SPTB: variants seen among roughly 807,000 people sequenced by gnomAD.
The protein encoded by SPTB is spectrin beta, erythrocytic, also known as spectrin beta chain, erythrocytic.
Under a neutral mutation model 256.2 loss-of-function variants are expected in SPTB, and 45 were observed. The observed-to-expected ratio is 0.18, with a 90% CI of 0.14 to 0.23. The LOEUF (loss-of-function observed/expected upper bound fraction) is 0.23, where lower values mean the gene tolerates loss of function less well. Ranked by LOEUF, SPTB falls within the 10% of genes least tolerant of loss-of-function variation. SPTB has a pLI of 1.00. For synonymous variants in SPTB, 1,231 were observed against 1,243.1 expected (o/e 0.99, Z 0.21); for missense variants, 2,715 against 3,040.4 (o/e 0.89, Z 2.52).
At chr14:64,776,673 C>T (rs1208370672) in intron 22 of SPTB, among the ~76,000 whole-genome samples, 1 of 152,210 alleles carries the variant, frequency 6.6e-6, no homozygotes, top group Non-Finnish European at 1.5e-5. Flanking sequence ...AACTCCTGGG[C>T]TCAGGCGATC....
At chr14:64,752,898 G>C (rs1033382721) in intron 33 of SPTB, among the ~76,000 whole-genome samples, 25 of 152,038 alleles carry the variant, frequency 1.6e-4, no homozygotes, top group Non-Finnish European at 2.4e-4. Context: ...GGGGCCCCAG[G>C]CAGAGACAGC....
In SPTB at chr14:64,796,413, C is replaced by T. The variant is rs2082769550; in HGVS notation, c.1341+144G>A. On this transcript the variant is annotated intron_variant, in intron 11 of 35. Coordinates refer to ENST00000644917, the MANE Select transcript of SPTB (RefSeq NM_001355436.2). The surrounding 1 kb of genome is among the most constrained non-coding windows in gnomAD (Gnocchi z 4.1). ...GGAGAGCTCCTCCCCAGATGCAAAT[C>T]TTGATCCACTGGATCACGGGGGAGC... 1.8e-6 allele frequency: 2 copies of T among 1,088,724 alleles called. No individual in the cohort carries two copies. The highest frequency in any genetic ancestry group is 2.7e-6 in the Non-Finnish European group (2 of 728,786). The allele number at this position is 1,088,724 out of a possible 1,614,324, so 67.4% of individuals were successfully genotyped here.
intron 9 of SPTB, 125 bp downstream of exon 9, chr14:64,799,622 C>CA (rs1339824775): frequency 4.4e-5 from 50 of 1,141,926 alleles, no homozygotes; most frequent in Non-Finnish European, 1.3e-6. Context: ...GACACACATA[C>CA]AGCTCTCTAA....
At chr14:64,787,215 C>T (rs1279115599) in intron 15 of SPTB, 55 bp from the exon 16 acceptor site, 3 of 1,596,006 alleles carry the variant, frequency 1.9e-6, no homozygotes, top group African/African-American at 2.7e-5. Flanking sequence ...CTTAGCTCTT[C>T]TTCCCATAGG....
At position 64,803,799 on chromosome 14, in the gene SPTB, C is replaced by A; in HGVS notation, c.301-19G>T. ...GCTTTGGCTGGGGGACAGCAGTGGCCCCCGTGGGCATGGAGGGACTGCACA... is the reference window on the plus strand; with the variant it reads ...GCTTTGGCTGGGGGACAGCAGTGGCACCCGTGGGCATGGAGGGACTGCACA... On this transcript the variant is annotated intron_variant, in intron 3 of 35. Coordinates refer to ENST00000644917, the MANE Select transcript of SPTB (RefSeq NM_001355436.2). 1 of 1,593,834 alleles carries A rather than the reference C, an allele frequency of 6.3e-7. No individual in the cohort carries two copies. Among genetic ancestry groups the A allele is most frequent in the Non-Finnish European group, 8.6e-7 (1 of 1,169,328 alleles).
chr14:64,752,920 C>G lies in SPTB; in HGVS notation c.6602+617G>C, dbSNP rs2081971982. On this transcript the variant is annotated intron_variant, in intron 33 of 35. Coordinates refer to ENST00000644917, the MANE Select transcript of SPTB (RefSeq NM_001355436.2). ...CAGGCAGAGACAGCCCTAGATAGAC[C>G]AAACCCAAGGACATGACTGTTTCAG... 1.3e-5 allele frequency among the ~76,000 whole-genome samples: 2 copies of G among 151,964 alleles called. 1 individual carries two copies. The highest frequency in any genetic ancestry group is 4.2e-4 in the South Asian group (2 of 4,800).
chr14:64,872,411 C>T (rs1882582939), intron 1 of SPTB, among the ~76,000 whole-genome samples: 1 of 152,222 alleles, frequency 6.6e-6, no homozygotes, highest in Non-Finnish European at 1.5e-5. Flanking sequence ...GCCCCACAAT[C>T]AATCCTCCTT....
rs202072742 is a variant in SPTB, at chr14:64,793,187, G to A, written c.2476C>T (p.Leu826=). 1 of 1,613,496 alleles carries A rather than the reference G, an allele frequency of 6.2e-7. No individual in the cohort carries two copies. The highest frequency in any genetic ancestry group is 1.3e-5 in the African/African-American group (1 of 75,064). The change falls in exon 14 of 36, where the codon CTG becomes TTG. Residue 826 remains leucine (L), a synonymous_variant. Transcript: ENST00000644917. This position sits in a 1 kb window ranked among gnomAD's most constrained non-coding sequence, Gnocchi z 7.0. ...ACCACCTGTTGGTAGAGCTCCCGCA[G>A]GGCCTGCAGCCGATGGGTCACATCT... The part of the protein sequence containing the change: ...SPDVTHRLQA[L]RELYQQVVAQ...
rs1389449030 is a variant in SPTB, at chr14:64,750,008, T to C, written c.6749A>G (p.Lys2250Arg). The change falls in exon 34 of 36, where the codon AAG (lysine) becomes AGG (arginine). Residue 2250 changes from lysine (K) to arginine (R), a missense_variant. Lys to Arg is a conservative substitution (Grantham distance 26). Transcript: ENST00000644917. ...HAICEIAANY[K>R]KKKHVFKLRL... ...CAGCTTAAAGACGTGCTTCTTCTTC[T>C]TGTAGTTGGCAGCAATCTCACAGAT... 6.2e-7 allele frequency: 1 copy of C among 1,614,118 alleles called. No homozygotes were observed. The highest frequency in any genetic ancestry group is 1.3e-5 in the African/African-American group (1 of 74,942).
chr14:64,772,621 G>T lies in SPTB; in HGVS notation c.5512C>A (p.His1838Asn). 1 of 1,612,146 alleles carries T rather than the reference G, an allele frequency of 6.2e-7. No homozygotes were observed. The highest frequency in any genetic ancestry group is 2.2e-5 in the East Asian group (1 of 44,896). ...ASTAESFHRV[H>N]TAFERELHLL... ...TGGAGCTCCCGCTCGAAGGCTGTGTGCACCCGGTGGAAGGACTCGGCCGTG... is the reference window on the plus strand; with the variant it reads ...TGGAGCTCCCGCTCGAAGGCTGTGTTCACCCGGTGGAAGGACTCGGCCGTG... Residue 1838 changes from histidine (H) to asparagine (N), a missense_variant, in exon 26 of 36, where the codon CAC (histidine) becomes AAC (asparagine). Transcript: ENST00000644917. This position sits in a 1 kb window ranked among gnomAD's most constrained non-coding sequence, Gnocchi z 5.4.
intron 2 of SPTB, among the ~76,000 whole-genome samples, chr14:64,818,211 AG>A (rs1165576278): frequency 6.6e-6 from 1 of 152,220 alleles, no homozygotes; most frequent in Non-Finnish European, 1.5e-5. Context: ...ATTGCTCCAC[AG>A]GCCAAAGAAC....
chr14:64,766,701 T>G (rs773195221), intron 32 of SPTB, 25 bp downstream of exon 32: 1 of 1,612,972 alleles, frequency 6.2e-7, no homozygotes, highest in Non-Finnish European at 8.5e-7. Context: ...TCCCAGGAAC[T>G]AGACAAACGA....
In SPTB at chr14:64,767,850, A is replaced by G. The variant is rs1377241560; in HGVS notation, c.6032T>C (p.Val2011Ala). Residue 2011 changes from valine (V) to alanine (A), a missense_variant, in exon 30 of 36, where the codon GTG (valine) becomes GCG (alanine). By Grantham distance (64) the Val-to-Ala change is moderately conservative. This residue lies in a region of SPTB where 2,239 missense variants were observed against 2,384.4 expected (regional missense o/e 0.94). Coordinates refer to ENST00000644917, the MANE Select transcript of SPTB (RefSeq NM_001355436.2). ...AGAGGCATCCCTCGAGAACTGGCAC[A>G]CCTCCAGCACTGCCAGGGGGAACAG... ...RWERLRMLLEVCQFSRDASVA... is the reference protein window; with the variant it reads ...RWERLRMLLEACQFSRDASVA... 2 of 1,613,560 alleles carry G rather than the reference A, an allele frequency of 1.2e-6. No individual in the cohort carries two copies. The highest frequency in any genetic ancestry group is 2.7e-5 in the African/African-American group (2 of 74,836).
At chr14:64,836,528 TG>T (rs1242135610) in intron 1 of SPTB, among the ~76,000 whole-genome samples, 4 of 152,120 alleles carry the variant, frequency 2.6e-5, no homozygotes, top group Admixed American at 6.5e-5. Flanking sequence ...GTACGGTCGG[TG>T]GGGTTTATTG....
chr14:64,783,071 G>C (rs2082499787), intron 19 of SPTB, among the ~76,000 whole-genome samples: 24 of 152,140 alleles, frequency 1.6e-4, no homozygotes, highest in Admixed American at 1.6e-3. Flanking sequence ...TCCTGAGGTT[G>C]TGCACTAACC....
In SPTB at chr14:64,786,007, A is replaced by G. The variant is rs534227568; in HGVS notation, c.3562-56T>C. 6 of 1,556,266 alleles carry G rather than the reference A, an allele frequency of 3.9e-6. No individual in the cohort carries two copies. The South Asian group carries it at 5.6e-5, about 15-fold the overall frequency. ...AAGACACACGGAGGAGGTGATGAGC[A>G]CACCTCCCAAGTGGGAGCACCACGT... On this transcript the variant is annotated intron_variant, in intron 16 of 35. Transcript: ENST00000644917. The surrounding 1 kb of genome is among the most constrained non-coding windows in gnomAD (Gnocchi z 5.6).
In SPTB at chr14:64,796,920, A is replaced by T. The variant is rs988603354; in HGVS notation, c.1183-205T>A. 3.3e-5 allele frequency among the ~76,000 whole-genome samples: 5 copies of T among 152,158 alleles called. No homozygotes were observed. Among genetic ancestry groups the T allele is most frequent in the African/African-American group, 9.7e-5 (4 of 41,444 alleles). On this transcript the variant is annotated intron_variant, in intron 10 of 35. Coordinates refer to ENST00000644917, the MANE Select transcript of SPTB (RefSeq NM_001355436.2). This position sits in a 1 kb window ranked among gnomAD's most constrained non-coding sequence, Gnocchi z 4.1. ...ATCAAAGATTCAGAGGGCACTGCTCATGAGTCTCACTTCCCTCTTCCCCTA... is the reference window on the plus strand; with the variant it reads ...ATCAAAGATTCAGAGGGCACTGCTCTTGAGTCTCACTTCCCTCTTCCCCTA...
In SPTB at chr14:64,767,869, G is replaced by T. The variant is rs374081580; in HGVS notation, c.6023-10C>A. 12 of 1,613,266 alleles carry T rather than the reference G, an allele frequency of 7.4e-6. No homozygotes were observed. The African/African-American group carries it at 9.3e-5, about 13-fold the overall frequency. ...TGGCACACCTCCAGCACTGCCAGGG[G>T]GAACAGGACACAGACCCCCCACAAG... On this transcript the variant is annotated splice_polypyrimidine_tract_variant and intron_variant, in intron 29 of 35. Transcript: ENST00000644917.
At position 64,782,553 on chromosome 14, in the gene SPTB, C is replaced by T. The variant is rs758666794; in HGVS notation, c.4003G>A (p.Glu1335Lys). The T allele has an allele frequency of 4.3e-6, 7 of 1,613,644 alleles. No homozygotes were observed. The highest frequency in any genetic ancestry group is 5.9e-6 in the Non-Finnish European group (7 of 1,180,016). Reference protein sequence around the residue: ...HEGWLENIDAEGKQLMDEKPQ... With the variant: ...HEGWLENIDAKGKQLMDEKPQ... ...TTCTCATCCATCAGCTGCTTTCCTT[C>T]CTAGGGGCAAGAAGGAGGAGAGCTC... Residue 1335 changes from glutamate (E) to lysine (K), a missense_variant and splice_region_variant, in exon 20 of 36, where the codon GAA (glutamate) becomes AAA (lysine). By Grantham distance (56) the Glu-to-Lys change is moderately conservative. Around this residue, in one of 4 missense-constraint regions of SPTB, gnomAD observed 2,239 missense variants for 2,384.4 expected, o/e 0.94. Transcript: ENST00000644917.
Sources: allele counts gnomAD v4.1 joint callset (sites outside exome capture counted in the v4.1 genomes callset), GRCh38; gene constraint gnomAD v4.1.1; regional missense constraint gnomAD v4.1.1; non-coding constraint Gnocchi (gnomAD v3.1); transcripts MANE v1.5; gene names NCBI Gene and HGNC (gene_info 2026-07-23, HGNC 2026-07-21).